Variants in PCCB observed in about 807,000 individuals in gnomAD.
PCCB encodes the protein propionyl-CoA carboxylase beta chain, mitochondrial.
Under a neutral mutation model 60.7 loss-of-function variants are expected in PCCB, and 43 were observed. The ratio of observed to expected loss-of-function variants is 0.71; its 90% CI spans 0.55 to 0.91. The LOEUF (loss-of-function observed/expected upper bound fraction) is 0.91, where lower values mean the gene tolerates loss of function less well. PCCB is among the 40% of genes least tolerant of loss of function. PCCB has a pLI of 0.00. For missense variants in PCCB, 766 were observed against 702.8 expected (o/e 1.09, Z -1.02); for synonymous variants, 276 against 255.9 (o/e 1.08, Z -0.75).
rs943266027 is a variant in PCCB at position 136,301,052 on chromosome 3, G to C, written c.907G>C (p.Asp303His). Residue 303 changes from aspartate to histidine, a missense_variant, in exon 9 of 15, where the codon GAC becomes CAC. Coordinates refer to ENST00000251654, the MANE Select transcript of PCCB (RefSeq NM_000532.5). ...AAGTGACCGTCTGGTTCCTGAGCTT[G>C]ACACAATTGTCCCTTTGGAATCAAC... Reference protein sequence around the residue: ...DPSDRLVPELDTIVPLESTKA... With the variant: ...DPSDRLVPELHTIVPLESTKA... 1.2e-6 allele frequency: 2 copies of C among 1,614,030 alleles called. No individual in the cohort carries two copies. The highest frequency in any genetic ancestry group is 2.7e-5 in the African/African-American group (2 of 74,908).
chr3:136,300,108 G>T (rs911056955), intron 8 of PCCB, among the ~76,000 whole-genome samples: 2 of 150,538 alleles, frequency 1.3e-5, no homozygotes, highest in Non-Finnish European at 3.0e-5. Context: ...ATACATACAT[G>T]CATATCTACA....
At chr3:136,256,530 C>T in intron 2 of PCCB, 25 bp from the exon 3 acceptor site, 5 of 1,579,734 alleles carry the variant, frequency 3.2e-6, no homozygotes, top group Non-Finnish European at 4.4e-6. Flanking sequence ...ATTTTTTAAC[C>T]TTTATTTTTG....
rs550685926 is a variant in PCCB at position 136,323,126 on chromosome 3, G to A, written c.1091-3677G>A. Among the ~76,000 whole-genome samples the A allele has an allele frequency of 7.3e-5, 11 of 151,052 alleles. No homozygotes were observed. In the South Asian group the frequency reaches 2.1e-3, roughly 29 times the overall value. On this transcript the variant is annotated intron_variant, in intron 10 of 14. Coordinates refer to ENST00000251654, the MANE Select transcript of PCCB (RefSeq NM_000532.5). ...GTTAGTTGAGTTTCTTATATTTCTA[G>A]TTTCACATCTTGCATCAAACTTGGG...
intron 5 of PCCB, among the ~76,000 whole-genome samples, chr3:136,272,528 C>G (rs1430210147): frequency 6.6e-6 from 1 of 152,018 alleles, no homozygotes; most frequent in Non-Finnish European, 1.5e-5. Flanking sequence ...GATTCAGTCT[C>G]ACTGCTTGTT....
chr3:136,260,307 G>A, intron 3 of PCCB, 172 bp from the exon 4 acceptor site: 1 of 689,710 alleles, frequency 1.4e-6, no homozygotes, highest in East Asian at 2.7e-5. Context: ...CAGACTCCTG[G>A]ACTCAAGCCA....
chr3:136,299,994 A>G (rs1934186699), intron 8 of PCCB, among the ~76,000 whole-genome samples: 1 of 151,814 alleles, frequency 6.6e-6, no homozygotes, highest in East Asian at 1.9e-4. Context: ...ATGTGTATAT[A>G]TGCATACCCA....
At chr3:136,301,537 G>T (rs957808763) in intron 9 of PCCB, among the ~76,000 whole-genome samples, 10 of 152,068 alleles carry the variant, frequency 6.6e-5, no homozygotes, top group African/African-American at 2.4e-4. Flanking sequence ...TGTGTGTGTG[G>T]AGGTCCGTGG....
At chr3:136,261,818 GA>G (rs929192130) in intron 4 of PCCB, 133 bp from the exon 5 acceptor site, 18 of 696,404 alleles carry the variant, frequency 2.6e-5, no homozygotes, top group Non-Finnish European at 4.5e-5. Context: ...GATGGGGAGT[GA>G]AACCAGTGTT....
intron 5 of PCCB, among the ~76,000 whole-genome samples, chr3:136,264,426 A>G (rs1368291265): frequency 4.6e-5 from 6 of 130,918 alleles, no homozygotes; most frequent in Non-Finnish European, 8.1e-5. Context: ...TGTCTCTCAT[A>G]TATATGTGTG....
intron 7 of PCCB, 86 bp from the exon 8 acceptor site, chr3:136,297,866 C>T (rs1934006198): frequency 6.7e-7 from 1 of 1,501,408 alleles, no homozygotes; most frequent in Admixed American, 1.7e-5. Context: ...ACTGACATGC[C>T]CTAGAAGGGC....
chr3:136,283,299 A>G (rs1576326074), intron 5 of PCCB, among the ~76,000 whole-genome samples: 1 of 151,920 alleles, frequency 6.6e-6, no homozygotes, highest in Non-Finnish European at 1.5e-5. Context: ...GGCTCCTTCT[A>G]CCGCCTTCTC....
At chr3:136,256,139 C>T (rs1941666125) in intron 2 of PCCB, 164 bp downstream of exon 2, 10 of 1,013,114 alleles carry the variant, frequency 9.9e-6, no homozygotes, top group East Asian at 8.0e-5. Flanking sequence ...GATGGGCTTT[C>T]GCCATGTTGG....
At chr3:136,319,674 AG>A (rs1282353952) in intron 10 of PCCB, among the ~76,000 whole-genome samples, 4 of 152,230 alleles carry the variant, frequency 2.6e-5, no homozygotes, top group African/African-American at 9.6e-5. Context: ...CTGGGATTAC[AG>A]GTGTGAACCA....
chr3:136,250,842 TA>T (rs1354371612), intron 1 of PCCB, among the ~76,000 whole-genome samples: 1 of 152,224 alleles, frequency 6.6e-6, no homozygotes, highest in African/African-American at 2.4e-5. Flanking sequence ...GGCAACTTAT[TA>T]AATCTCTGTG....
chr3:136,274,164 T>G (rs945723496), intron 5 of PCCB, among the ~76,000 whole-genome samples: 3 of 152,106 alleles, frequency 2.0e-5, no homozygotes, highest in Non-Finnish European at 4.4e-5. Context: ...CTGATCTGTT[T>G]ATCATTTTAG....
chr3:136,326,962 G>A (rs1238872929), intron 11 of PCCB, 52 bp downstream of exon 11: 3 of 1,267,962 alleles, frequency 2.4e-6, no homozygotes, highest in Non-Finnish European at 3.5e-6. Context: ...CCAGTAAGGT[G>A]CCCACTTTAT....
rs767647079 is a variant in PCCB at position 136,326,906 on chromosome 3, A to C, written c.1194A>C (p.Leu398=). The part of the protein sequence containing the change: ...LITFVDVPGF[L]PGTAQEYGGI... Reference sequence around the variant, plus strand: ...CTTTTGTTGATGTCCCTGGCTTTCTACCTGGTAAGTTTTTGACAGAGTGGG... The same window carrying C: ...CTTTTGTTGATGTCCCTGGCTTTCTCCCTGGTAAGTTTTTGACAGAGTGGG... The change falls in exon 11 of 15, where the codon CTA becomes CTC. Residue 398 remains leucine (L), a synonymous_variant. Transcript: ENST00000251654. 3 of 1,600,408 alleles carry C rather than the reference A, an allele frequency of 1.9e-6. No homozygotes were observed. The African/African-American group carries it at 4.0e-5, about 21-fold the overall frequency.
Position 136,323,510 on chromosome 3 carries a change from A to G in PCCB, c.1091-3293A>G, listed in dbSNP as rs1935180953. Among the ~76,000 whole-genome samples the G allele has an allele frequency of 2.0e-5, 3 of 152,160 alleles. No individual in the cohort carries two copies. In the South Asian group the frequency reaches 6.2e-4, roughly 32 times the overall value. ...TATTTAAGACTAGTTTAGGCTGGGCATGGTGGCTCCTGCCTGTAATCCCAG... is the reference window on the plus strand; with the variant it reads ...TATTTAAGACTAGTTTAGGCTGGGCGTGGTGGCTCCTGCCTGTAATCCCAG... On this transcript the variant is annotated intron_variant, in intron 10 of 14. Coordinates refer to ENST00000251654, the MANE Select transcript of PCCB (RefSeq NM_000532.5).
intron 5 of PCCB, among the ~76,000 whole-genome samples, chr3:136,269,867 CAG>C (rs1262789685): frequency 1.7e-5 from 2 of 119,596 alleles, no homozygotes; most frequent in East Asian, 2.4e-4. Context: ...GCCTGGGTGA[CAG>C]AGTGAGACTC....
Sources: allele counts gnomAD v4.1 joint callset (sites outside exome capture counted in the v4.1 genomes callset), GRCh38; gene constraint gnomAD v4.1.1; transcripts MANE v1.5; gene names NCBI Gene and HGNC (gene_info 2026-07-23, HGNC 2026-07-21).